The following DGKZ variants were observed in gnomAD, a reference collection of about 807,000 sequenced individuals.
DGKZ encodes diacylglycerol kinase zeta, also known as DAG kinase zeta.
DGKZ carries 45 observed loss-of-function variants against 142.5 expected under a neutral mutation model. The ratio of observed to expected loss-of-function variants is 0.32; its 90% CI spans 0.25 to 0.40. The LOEUF (loss-of-function observed/expected upper bound fraction) is 0.40, where lower values mean the gene tolerates loss of function less well. DGKZ is among the 10% of genes least tolerant of loss of function. DGKZ has a pLI of 1.00. For synonymous variants in DGKZ, 442 were observed against 527.0 expected, an observed-to-expected ratio of 0.84 and a Z score of 2.21; for missense variants, 755 against 1,306.5, an observed-to-expected ratio of 0.58 and a Z score of 6.51.
chr11:46,358,498 G>T (rs1237260949), intron 1 of DGKZ, among the ~76,000 whole-genome samples: 1 of 152,078 alleles, frequency 6.6e-6, no homozygotes, highest in Non-Finnish European at 1.5e-5. Context: ...TTTCTCAAAA[G>T]TGCATGACAT....
upstream of DGKZ, among the ~76,000 whole-genome samples, chr11:46,347,027 T>C (rs1322206922): frequency 6.6e-6 from 1 of 152,228 alleles, no homozygotes; most frequent in Non-Finnish European, 1.5e-5. The surrounding 1 kb of genome is among the most constrained non-coding windows in gnomAD (Gnocchi z 6.4). Flanking sequence ...GTGTGACTTT[T>C]GTTCCCCTGG....
At chr11:46,357,905 G>A (rs1375876662) in intron 1 of DGKZ, among the ~76,000 whole-genome samples, 1 of 152,224 alleles carries the variant, frequency 6.6e-6, no homozygotes, top group African/African-American at 2.4e-5. Flanking sequence ...GGCACAGCCA[G>A]ATTGGGGCAC....
Position 46,355,728 on chromosome 11 carries a change from G to A in DGKZ, c.161+7908G>A, listed in dbSNP as rs574727410. 1.3e-4 allele frequency among the ~76,000 whole-genome samples: 19 copies of A among 150,318 alleles called. No individual in the cohort carries two copies. The South Asian group carries it at 2.1e-3, about 16-fold the overall frequency. ...GGGAGCAACATGGTCAGAAAGTTGA[G>A]GGGGGAGGTGTTAAATTTTTTTTTT... On this transcript the variant is annotated intron_variant, in intron 1 of 30. Coordinates refer to ENST00000527911, the Ensembl canonical transcript of DGKZ.
rs1944121133 is a variant in DGKZ, at chr11:46,372,951, G to A, written c.1186-10G>A. ...GCCACAGAGGGCTCAGTCCCTGCCTGCTCCCCCAGGGCTACACAGATGAGC... is the reference window on the plus strand; with the variant it reads ...GCCACAGAGGGCTCAGTCCCTGCCTACTCCCCCAGGGCTACACAGATGAGC... On this transcript the variant is annotated splice_polypyrimidine_tract_variant and intron_variant, in intron 13 of 30. Transcript: ENST00000527911. This position sits in a 1 kb window ranked among gnomAD's most constrained non-coding sequence, Gnocchi z 5.9. The A allele has an allele frequency of 1.9e-6, 3 of 1,549,780 alleles. No homozygotes were observed. The highest frequency in any genetic ancestry group is 2.7e-5 in the African/African-American group (2 of 73,112).
At chr11:46,341,367 C>T (rs994762735) in intron 1 of DGKZ, among the ~76,000 whole-genome samples, 12 of 152,164 alleles carry the variant, frequency 7.9e-5, no homozygotes, top group African/African-American at 2.9e-4. Flanking sequence ...TCAGATGATA[C>T]AGGAATATCA....
chr11:46,360,921 T>G (rs1417356181), intron 1 of DGKZ, among the ~76,000 whole-genome samples: 3 of 152,186 alleles, frequency 2.0e-5, no homozygotes, highest in African/African-American at 7.2e-5. Flanking sequence ...TAACACAGAC[T>G]GGTGTCTTCT....
In DGKZ at chr11:46,367,457, C is replaced by G; in HGVS notation, c.270+58C>G. The G allele has an allele frequency of 6.4e-7, 1 of 1,566,542 alleles. No homozygotes were observed. The highest frequency in any genetic ancestry group is 8.7e-7 in the Non-Finnish European group (1 of 1,145,504). On this transcript the variant is annotated intron_variant, in intron 2 of 30. Transcript: ENST00000527911. The surrounding 1 kb of genome is among the most constrained non-coding windows in gnomAD (Gnocchi z 4.1). ...CTCTGGGCTCTTGGCCAAGGCGCAGCTGGCGGGTGGAGGCACTAAAGGCAG... is the reference window on the plus strand; with the variant it reads ...CTCTGGGCTCTTGGCCAAGGCGCAGGTGGCGGGTGGAGGCACTAAAGGCAG...
chr11:46,368,747 A>G (rs1012859307), intron 4 of DGKZ: 2 of 177,186 alleles, frequency 1.1e-5, no homozygotes, highest in African/African-American at 4.8e-5. Context: ...ATGAGAAGGG[A>G]AATAGAAATG....
intron 1 of DGKZ, chr11:46,366,551 G>A (rs1245886494): frequency 3.1e-6 from 5 of 1,601,620 alleles, no homozygotes; most frequent in East Asian, 2.3e-5. Flanking sequence ...GCCTACCACC[G>A]TGGGGGCCCA....
At chr11:46,375,125 C>A in intron 19 of DGKZ, 80 bp downstream of exon 19, 1 of 1,327,956 alleles carries the variant, frequency 7.5e-7, no homozygotes, top group Non-Finnish European at 1.0e-6. Context: ...CTCCATGGGC[C>A]ACGGCGGCCT....
chr11:46,365,417 T>C, intron 1 of DGKZ: 1 of 985,386 alleles, frequency 1.0e-6, no homozygotes, highest in Non-Finnish European at 1.2e-6. Context: ...CCATCAGCAC[T>C]TCAGACATAC....
chr11:46,339,409 T>C (rs879833812), intron 1 of DGKZ, among the ~76,000 whole-genome samples: 20 of 152,106 alleles, frequency 1.3e-4, no homozygotes, highest in Non-Finnish European at 2.5e-4. Context: ...CTGGGGTCCA[T>C]CAATTTTCTT....
At chr11:46,333,082 G>A in exon 1 of DGKZ, 3 of 420,166 alleles carry the variant, frequency 7.1e-6, no homozygotes, top group Non-Finnish European at 7.8e-6. Flanking sequence ...GAGGACCCCG[G>A]CCCGCCTCTC....
intron 1 of DGKZ, among the ~76,000 whole-genome samples, chr11:46,361,016 C>T (rs1231072659): frequency 6.6e-6 from 1 of 152,206 alleles, no homozygotes; most frequent in African/African-American, 2.4e-5. Flanking sequence ...CAGTCACGGG[C>T]TTCCACAAGC....
rs368815237 is a variant in DGKZ at position 46,371,304 on chromosome 11, T to A, written c.571-9T>A. Reference sequence around the variant, plus strand: ...TGCCCTGGTTCCCATCCATCCTGTCTACCCTCAGGGATTCCAGCAGAAGTT... The same window carrying A: ...TGCCCTGGTTCCCATCCATCCTGTCAACCCTCAGGGATTCCAGCAGAAGTT... On this transcript the variant is annotated splice_polypyrimidine_tract_variant and intron_variant, in intron 6 of 30. Coordinates refer to ENST00000527911, the Ensembl canonical transcript of DGKZ. 1.1e-5 allele frequency: 17 copies of A among 1,613,446 alleles called. No homozygotes were observed. The highest frequency in any genetic ancestry group is 1.4e-5 in the Non-Finnish European group (17 of 1,179,738).
intron 7 of DGKZ, 24 bp from the exon 8 acceptor site, chr11:46,371,463 A>G: frequency 6.2e-7 from 1 of 1,601,774 alleles, no homozygotes; most frequent in East Asian, 2.2e-5. Context: ...GGTCCCGCTG[A>G]GCCCGGCCCC....
In DGKZ at chr11:46,379,827, C is replaced by G. The variant is rs1470268518; in HGVS notation, c.2689-4C>G. On this transcript the variant is annotated splice_region_variant and splice_polypyrimidine_tract_variant and intron_variant, in intron 30 of 30. Transcript: ENST00000527911. ...CTGCTGATCGCAGCTCCGCCCTCCT[C>G]CAGGGCGACACTCCCCGGCAGCGGG... The G allele has an allele frequency of 7.5e-6, 12 of 1,607,736 alleles. No homozygotes were observed. The highest frequency in any genetic ancestry group is 1.0e-5 in the Non-Finnish European group (12 of 1,177,658).
At chr11:46,373,497 TG>T (rs72347374) in intron 14 of DGKZ, among the ~76,000 whole-genome samples, 2,431 of 147,770 alleles carry the variant, frequency 0.016, 58 homozygotes, top group African/African-American at 0.053. Flanking sequence ...TTTTTTTTTT[TG>T]TTTTTGTTTT....
At position 46,372,246 on chromosome 11, in the gene DGKZ, C is replaced by T; in HGVS notation, c.927+76C>T. ...CAGCCCGTCTGCCAGCAGCTGTTCC[C>T]AGAGCCCGTTTCTGGCTTCTACCCC... On this transcript the variant is annotated intron_variant, in intron 10 of 30. Transcript: ENST00000527911. The surrounding 1 kb of genome is among the most constrained non-coding windows in gnomAD (Gnocchi z 5.9). 6.9e-6 allele frequency: 10 copies of T among 1,439,136 alleles called. No individual in the cohort carries two copies. The highest frequency in any genetic ancestry group is 9.4e-6 in the Non-Finnish European group (10 of 1,059,202). 89.1% of individuals were successfully genotyped at this position (1,439,136 alleles called of 1,614,324 possible).
Sources: gnomAD v4.1 joint callset for allele counts (sites outside exome capture counted in the v4.1 genomes callset) on GRCh38, gnomAD v4.1.1 for gene constraint, Gnocchi (gnomAD v3.1) non-coding constraint, MANE v1.5 for transcripts, NCBI Gene and HGNC (gene_info 2026-07-23, HGNC 2026-07-21) for gene names.